Variants in MFHAS1 observed in about 807,000 individuals in gnomAD.
MFHAS1 encodes multifunctional ROCO family signaling regulator 1, also known as malignant fibrous histiocytoma-amplified sequence 1.
In MFHAS1, 50 loss-of-function variants were observed where a neutral mutation model predicts 70.4. The observed-to-expected ratio is 0.71, with a 90% CI of 0.57 to 0.90. MFHAS1 has a LOEUF of 0.90. Among genes scored for constraint, MFHAS1 ranks in the 40% least tolerant of loss-of-function variants. The pLI is 0.00. For missense variants in MFHAS1, 1,795 were observed against 1,347.6 expected (o/e 1.33, Z -5.20); for synonymous variants, 952 against 620.0 (o/e 1.54, Z -7.96).
chr8:8,872,683 G>A (rs752614589), intron 1 of MFHAS1, among the ~76,000 whole-genome samples: 8 of 152,252 alleles, frequency 5.3e-5, no homozygotes, highest in Admixed American at 3.9e-4. Context: ...GCTCTGGCTG[G>A]CTGCAGTGAG....
intron 1 of MFHAS1, among the ~76,000 whole-genome samples, chr8:8,798,919 G>C (rs1383200679): frequency 1.3e-5 from 2 of 151,930 alleles, no homozygotes; most frequent in African/African-American, 4.8e-5. Context: ...TTTGTGGCAG[G>C]TGCCTGTAGT....
At chr8:8,842,805 T>C (rs1258915166) in intron 1 of MFHAS1, among the ~76,000 whole-genome samples, 1 of 152,188 alleles carries the variant, frequency 6.6e-6, no homozygotes, top group Non-Finnish European at 1.5e-5. Context: ...TCCCAGACAC[T>C]GCCTCCTCTT....
intron 1 of MFHAS1, among the ~76,000 whole-genome samples, chr8:8,884,985 A>G (rs1239888335): frequency 1.3e-5 from 2 of 152,026 alleles, no homozygotes; most frequent in Admixed American, 6.6e-5. Flanking sequence ...TTTCTCACAA[A>G]AAGACCAAAC....
At chr8:8,878,868 T>C (rs538020624) in intron 1 of MFHAS1, among the ~76,000 whole-genome samples, 38 of 152,296 alleles carry the variant, frequency 2.5e-4, no homozygotes, top group African/African-American at 8.7e-4. Flanking sequence ...AATATGCTAA[T>C]AGTACAAAAG....
At position 8,893,064 on chromosome 8, in the gene MFHAS1, G is replaced by A. The variant is rs760674079; in HGVS notation, c.-6C>T. 2.1e-5 allele frequency: 31 copies of A among 1,478,950 alleles called. No individual in the cohort carries two copies. Among genetic ancestry groups the A allele is most frequent in the Non-Finnish European group, 2.5e-5 (28 of 1,123,848 alleles). 91.6% of individuals were successfully genotyped at this position (1,478,950 alleles called of 1,614,324 possible). ...CCACTGTCCATCCCAGCCATGGCGG[G>A]GCCCCGGGCCGACAGCCTCACGCGG... On this transcript the variant is annotated 5_prime_UTR_variant, in exon 1 of 3. Coordinates refer to ENST00000276282, the MANE Select transcript of MFHAS1 (RefSeq NM_004225.3).
At chr8:8,872,591 C>G (rs549345949) in intron 1 of MFHAS1, among the ~76,000 whole-genome samples, 1 of 152,134 alleles carries the variant, frequency 6.6e-6, no homozygotes, top group Non-Finnish European at 1.5e-5. Context: ...CCACATTACA[C>G]AGAGGAGGCT....
chr8:8,882,053 A>G (rs1809546326), intron 1 of MFHAS1, among the ~76,000 whole-genome samples: 1 of 152,146 alleles, frequency 6.6e-6, no homozygotes, highest in African/African-American at 2.4e-5. Context: ...ACATGGGACA[A>G]TGACAATGGC....
At chr8:8,888,938 A>G (rs1809877173) in intron 1 of MFHAS1, among the ~76,000 whole-genome samples, 1 of 149,784 alleles carries the variant, frequency 6.7e-6, no homozygotes, top group Admixed American at 6.7e-5. Context: ...GAAGCTACGC[A>G]TGTGGGGAAG....
At chr8:8,808,794 TGGTTTC>T (rs1806434654) in intron 1 of MFHAS1, among the ~76,000 whole-genome samples, 1 of 152,202 alleles carries the variant, frequency 6.6e-6, no homozygotes, top group East Asian at 1.9e-4. Flanking sequence ...GTGCCATTGG[TGGTTTC>T]AGGATCCAGT....
At chr8:8,817,563 T>C (rs929734231) in intron 1 of MFHAS1, among the ~76,000 whole-genome samples, 1 of 152,204 alleles carries the variant, frequency 6.6e-6, no homozygotes, top group African/African-American at 2.4e-5. Flanking sequence ...GCTGCCGCAG[T>C]GCCCCTGGAC....
At chr8:8,823,025 G>A (rs1807024610) in intron 1 of MFHAS1, among the ~76,000 whole-genome samples, 1 of 152,146 alleles carries the variant, frequency 6.6e-6, no homozygotes, top group East Asian at 1.9e-4. Flanking sequence ...GACCGGGAAG[G>A]AGAGACAGAG....
intron 1 of MFHAS1, among the ~76,000 whole-genome samples, chr8:8,835,097 A>G (rs568756861): frequency 2.0e-5 from 3 of 152,294 alleles, no homozygotes; most frequent in Admixed American, 1.3e-4. Context: ...GCTCTCTAAT[A>G]GGGCAACCTA....
rs530819976 is a variant in MFHAS1, at chr8:8,842,387, C to T, written c.2999-44896G>A. 3.3e-5 allele frequency among the ~76,000 whole-genome samples: 5 copies of T among 152,134 alleles called. No individual in the cohort carries two copies. In the East Asian group the frequency reaches 9.7e-4, roughly 29 times the overall value. On this transcript the variant is annotated intron_variant, in intron 1 of 2. Transcript: ENST00000276282. ...TTTTAGTAGAGACAGGGTTTCACCACGTTCACCAGGCTGATCTCGAACTCC... is the reference window on the plus strand; with the variant it reads ...TTTTAGTAGAGACAGGGTTTCACCATGTTCACCAGGCTGATCTCGAACTCC...
intron 2 of MFHAS1, among the ~76,000 whole-genome samples, chr8:8,797,038 C>A (rs1805927938): frequency 6.6e-6 from 1 of 151,718 alleles, no homozygotes. Flanking sequence ...GTTCCATATA[C>A]CTGCAAATAA....
At chr8:8,864,915 G>C (rs1585059417) in intron 1 of MFHAS1, among the ~76,000 whole-genome samples, 1 of 152,072 alleles carries the variant, frequency 6.6e-6, no homozygotes, top group Admixed American at 6.6e-5. Flanking sequence ...TTTGGCTTTA[G>C]GTATGAACCA....
intron 1 of MFHAS1, among the ~76,000 whole-genome samples, chr8:8,857,513 C>T (rs899993855): frequency 6.6e-6 from 1 of 152,122 alleles, no homozygotes; most frequent in Admixed American, 6.6e-5. Context: ...AATCCCAGCA[C>T]TTTGGGAGTC....
chr8:8,890,293 T>G lies in MFHAS1; in HGVS notation c.2766A>C (p.Lys922Asn). The G allele has an allele frequency of 6.2e-7, 1 of 1,614,206 alleles. No homozygotes were observed. The highest frequency in any genetic ancestry group is 8.5e-7 in the Non-Finnish European group (1 of 1,180,042). ...GKFQIFAYRG[K>N]VPVVVSYRPA... ...GTCTGTAACTCACAACCACAGGAAC[T>G]TTCCCTCTATAGGCAAAGATCTGAA... The change falls in exon 1 of 3, where the codon AAA (lysine) becomes AAC (asparagine). Residue 922 changes from lysine (K) to asparagine (N), a missense_variant. Physicochemically the swap from Lys to Asn is moderately conservative, Grantham distance 94. Coordinates refer to ENST00000276282, the MANE Select transcript of MFHAS1 (RefSeq NM_004225.3).
At chr8:8,882,996 T>C (rs751844620) in intron 1 of MFHAS1, among the ~76,000 whole-genome samples, 7 of 151,556 alleles carry the variant, frequency 4.6e-5, no homozygotes, top group Non-Finnish European at 8.8e-5. Context: ...CTACTAAAAA[T>C]ACAAAAATTA....
In MFHAS1 at chr8:8,799,483, CA is replaced by C. The variant is rs541804816; in HGVS notation, c.2999-1993del. Reference sequence around the variant, plus strand: ...CAAAGTACTGTATTTCTGGCTGGGACAGTGGTTCATGCCTCTAATCCCAGCA... The same window carrying C: ...CAAAGTACTGTATTTCTGGCTGGGACGTGGTTCATGCCTCTAATCCCAGCA... On this transcript the variant is annotated intron_variant, in intron 1 of 2. Coordinates refer to ENST00000276282, the MANE Select transcript of MFHAS1 (RefSeq NM_004225.3). 6.6e-5 allele frequency among the ~76,000 whole-genome samples: 10 copies of C among 152,280 alleles called. No homozygotes were observed. In the South Asian group the frequency reaches 1.7e-3, roughly 25 times the overall value.
Sources: gnomAD v4.1 joint callset for allele counts (sites outside exome capture counted in the v4.1 genomes callset) on GRCh38, gnomAD v4.1.1 for gene constraint, MANE v1.5 for transcripts, NCBI Gene and HGNC (gene_info 2026-07-23, HGNC 2026-07-21) for gene names.